The following IREB2 variants were observed in gnomAD, a reference collection of about 807,000 sequenced individuals.
The protein encoded by IREB2 is iron responsive element binding protein 2, also known as iron-responsive element-binding protein 2.
A neutral mutation model predicts 118.8 loss-of-function variants in IREB2; 39 were observed. That is an observed-to-expected ratio of 0.33 (90% confidence interval 0.25 to 0.43). IREB2 has a LOEUF of 0.43. IREB2 is among the 20% of genes least tolerant of loss of function. The probability of loss-of-function intolerance (pLI) is 1.00; values close to 1 mark genes in which losing one functional copy is unlikely to be tolerated. For missense variants in IREB2, 900 were observed against 1,147.3 expected, an observed-to-expected ratio of 0.78 and a Z score of 3.11; for synonymous variants, 372 against 392.2, an observed-to-expected ratio of 0.95 and a Z score of 0.61.
rs1373523858 is a variant in IREB2, at chr15:78,463,053, T to C, written c.238T>C (p.Phe80Leu). ...KTKQSNVEVP[F>L]FPARVLLQDF... ...CAAACAAAGCAATGTTGAAGTGCCC[T>C]TTTTCCCTGCCCGTGTTCTTCTTCA... The change falls in exon 3 of 22, where the codon TTT becomes CTT. Residue 80 changes from phenylalanine to leucine, a missense_variant. Phe to Leu is a conservative substitution (Grantham distance 22). Coordinates refer to ENST00000258886, the MANE Select transcript of IREB2 (RefSeq NM_004136.4). 3 of 1,603,894 alleles carry C rather than the reference T, an allele frequency of 1.9e-6. No individual in the cohort carries two copies. Among genetic ancestry groups the C allele is most frequent in the Admixed American group, 1.7e-5 (1 of 57,556 alleles).
Position 78,470,291 on chromosome 15 carries a change from G to A in IREB2, c.630-241G>A, listed in dbSNP as rs964199127. ...CTTGAGTACAGTTTTGGACATTGGT[G>A]TAATGTGGCTTTCTTACACTCAGTA... On this transcript the variant is annotated intron_variant, in intron 5 of 21. Transcript: ENST00000258886. Among the ~76,000 whole-genome samples, 5 of 152,304 alleles carry A rather than the reference G, an allele frequency of 3.3e-5. No individual in the cohort carries two copies. In the South Asian group the frequency reaches 1.0e-3, roughly 32 times the overall value.
intron 5 of IREB2, among the ~76,000 whole-genome samples, chr15:78,467,163 C>G (rs2051297013): frequency 7.1e-6 from 1 of 141,554 alleles, no homozygotes; most frequent in Non-Finnish European, 1.5e-5. Flanking sequence ...GAGCCAAGAT[C>G]ATGCCACTGC....
chr15:78,477,780 G>A (rs2051496155), intron 9 of IREB2, among the ~76,000 whole-genome samples: 1 of 151,938 alleles, frequency 6.6e-6, no homozygotes, highest in South Asian at 2.1e-4. Context: ...AATTAGCCAG[G>A]TGTGGCAGTA....
intron 5 of IREB2, among the ~76,000 whole-genome samples, chr15:78,467,328 A>G (rs1221898198): frequency 6.6e-6 from 1 of 152,232 alleles, no homozygotes; most frequent in Non-Finnish European, 1.5e-5. Flanking sequence ...AGTAGTAAAC[A>G]TGCCTAGAAA....
chr15:78,455,327 C>T (rs866712981), intron 2 of IREB2, among the ~76,000 whole-genome samples: 4 of 151,824 alleles, frequency 2.6e-5, no homozygotes, highest in Admixed American at 6.6e-5. Context: ...AGCACAAGAG[C>T]GTATGTAGAG....
chr15:78,472,525 C>A (rs1052915336), intron 7 of IREB2, among the ~76,000 whole-genome samples: 1 of 152,068 alleles, frequency 6.6e-6, no homozygotes, highest in Admixed American at 6.6e-5. Flanking sequence ...TGCCACCACG[C>A]CCAGCTAATT....
At chr15:78,447,603 G>A (rs1041648201) in intron 2 of IREB2, among the ~76,000 whole-genome samples, 1 of 151,786 alleles carries the variant, frequency 6.6e-6, no homozygotes, top group Non-Finnish European at 1.5e-5. Context: ...AGTGCTGGGA[G>A]TACAGGCGTG....
chr15:78,471,599 T>C (rs1456821079), intron 6 of IREB2, 142 bp from the exon 7 acceptor site: 1 of 463,040 alleles, frequency 2.2e-6, no homozygotes, highest in Non-Finnish European at 3.7e-6. Flanking sequence ...TCTGTATATT[T>C]GTTTTTAACT....
At chr15:78,446,163 A>G (rs1480220646) in intron 2 of IREB2, among the ~76,000 whole-genome samples, 1 of 152,178 alleles carries the variant, frequency 6.6e-6, no homozygotes, top group Non-Finnish European at 1.5e-5. Flanking sequence ...TAGAGACACA[A>G]ATCTGTTCAT....
At position 78,441,075 on chromosome 15, in the gene IREB2, A is replaced by G. The variant is rs562863935; in HGVS notation, c.106+1194A>G. On this transcript the variant is annotated intron_variant, in intron 2 of 21. Transcript: ENST00000258886. Reference sequence around the variant, plus strand: ...GAGCTTTAATCTTGTTTTTTCTTGCATTATTTAATTAAGACGATTGTTCTT... The same window carrying G: ...GAGCTTTAATCTTGTTTTTTCTTGCGTTATTTAATTAAGACGATTGTTCTT... 5.9e-5 allele frequency among the ~76,000 whole-genome samples: 9 copies of G among 152,284 alleles called. No homozygotes were observed. The South Asian group carries it at 1.7e-3, about 28-fold the overall frequency.
At chr15:78,438,470 G>A (rs2050790156) in intron 1 of IREB2, 114 bp downstream of exon 1, 1 of 1,250,898 alleles carries the variant, frequency 8.0e-7, no homozygotes, top group Non-Finnish European at 1.1e-6. Flanking sequence ...GGCCCTCGGG[G>A]CTCGGGTTGT....
At chr15:78,490,820 G>T (rs1452843629) in intron 18 of IREB2, 59 bp downstream of exon 18, 4 of 1,481,146 alleles carry the variant, frequency 2.7e-6, no homozygotes, top group Non-Finnish European at 3.7e-6. Context: ...TGATTAAGAG[G>T]CTTCTATTGG....
At chr15:78,479,436 G>GT in intron 10 of IREB2, among the ~76,000 whole-genome samples, 1 of 145,190 alleles carries the variant, frequency 6.9e-6, no homozygotes, top group African/African-American at 2.6e-5. Context: ...GGATTTTGCC[G>GT]TGTTGCTTAG....
Position 78,498,016 on chromosome 15 carries a change from T to G in IREB2, c.2782-17T>G. 1 of 1,489,648 alleles carries G rather than the reference T, an allele frequency of 6.7e-7. No individual in the cohort carries two copies. Among genetic ancestry groups the G allele is most frequent in the Non-Finnish European group, 9.4e-7 (1 of 1,067,382 alleles). 92.3% of individuals were successfully genotyped at this position (1,489,648 alleles called of 1,614,324 possible). On this transcript the variant is annotated splice_polypyrimidine_tract_variant and intron_variant, in intron 21 of 21. Coordinates refer to ENST00000258886, the MANE Select transcript of IREB2 (RefSeq NM_004136.4). ...AAGATTTACTTGCTCACATGAGATG[T>G]TTTTGCTCCTTTCAAGACAAGCACT...
intron 2 of IREB2, among the ~76,000 whole-genome samples, chr15:78,443,940 G>T (rs910370954): frequency 3.9e-5 from 6 of 152,052 alleles, no homozygotes; most frequent in African/African-American, 1.4e-4. Context: ...ACCACTGCAC[G>T]CAGCCAGTTG....
At chr15:78,490,792 T>G in intron 18 of IREB2, 31 bp downstream of exon 18, 1 of 1,597,548 alleles carries the variant, frequency 6.3e-7, no homozygotes, top group Non-Finnish European at 8.5e-7. Flanking sequence ...AGTGTTTTTG[T>G]TTTTTCTTGT....
chr15:78,450,989 A>G (rs1456260020), intron 2 of IREB2, among the ~76,000 whole-genome samples: 1 of 151,972 alleles, frequency 6.6e-6, no homozygotes, highest in African/African-American at 2.4e-5. Flanking sequence ...TATTTCATTC[A>G]AATCTTGCTC....
chr15:78,478,294 T>C lies in IREB2; in HGVS notation c.1196-3T>C, dbSNP rs1212242899. 1.3e-6 allele frequency: 2 copies of C among 1,589,118 alleles called. No homozygotes were observed. Among genetic ancestry groups the C allele is most frequent in the South Asian group, 2.2e-5 (2 of 89,702 alleles). On this transcript the variant is annotated splice_region_variant and splice_polypyrimidine_tract_variant and intron_variant, in intron 9 of 21. Transcript: ENST00000258886. ...TTTGTTGTTTTGTTCATCTTCGTTT[T>C]AGGTTTTAGCAAAGCCAAACTCGAA...
At chr15:78,445,141 T>TA (rs1177676669) in intron 2 of IREB2, among the ~76,000 whole-genome samples, 1,576 of 119,084 alleles carry the variant, frequency 0.013, 17 homozygotes, top group Middle Eastern at 0.023. Flanking sequence ...TCTTTATTTT[T>TA]TTTTTTTTTT....
Sources: gnomAD v4.1 joint callset for allele counts (sites outside exome capture counted in the v4.1 genomes callset) on GRCh38, gnomAD v4.1.1 for gene constraint, MANE v1.5 for transcripts, NCBI Gene and HGNC (gene_info 2026-07-23, HGNC 2026-07-21) for gene names.